The following KLHL29 variants were observed in gnomAD, a reference collection of about 807,000 sequenced individuals.
KLHL29 encodes the protein kelch-like protein 29.
Under a neutral mutation model 80.4 loss-of-function variants are expected in KLHL29, and 21 were observed. That is an observed-to-expected ratio of 0.26 (90% CI 0.19 to 0.38). The LOEUF is 0.38. KLHL29 is among the 10% of genes least tolerant of loss of function. KLHL29 has a pLI of 1.00. For missense variants in KLHL29, 867 were observed against 1,223.9 expected (o/e 0.71, Z 4.35); for synonymous variants, 511 against 526.8 (o/e 0.97, Z 0.41).
chr2:23,630,183 C>T (rs1016921503), intron 3 of KLHL29, among the ~76,000 whole-genome samples: 4 of 152,348 alleles, frequency 2.6e-5, no homozygotes, highest in African/African-American at 9.6e-5. Context: ...ACAGCTAGCC[C>T]CAGTGTGCTG....
intron 7 of KLHL29, among the ~76,000 whole-genome samples, chr2:23,692,982 G>C (rs1354214072): frequency 6.6e-6 from 1 of 152,166 alleles, no homozygotes; most frequent in Admixed American, 6.5e-5. Flanking sequence ...CCCAGGCTCT[G>C]AGCAGGGCTC....
chr2:23,391,232 C>T (rs570580717), intron 1 of KLHL29, among the ~76,000 whole-genome samples: 1 of 152,318 alleles, frequency 6.6e-6, no homozygotes, highest in African/African-American at 2.4e-5. Flanking sequence ...GACAGGCTTT[C>T]CTTCCTTTTT....
chr2:23,388,980 T>TTTCTTC (rs1553317242), intron 1 of KLHL29, among the ~76,000 whole-genome samples: 6,721 of 135,814 alleles, frequency 0.049, 466 homozygotes, highest in East Asian at 0.24. Flanking sequence ...TTTTTCTTTC[T>TTTCTTC]TTCTTCTTCT....
intron 3 of KLHL29, among the ~76,000 whole-genome samples, chr2:23,572,016 C>T (rs574807300): frequency 6.6e-6 from 1 of 152,200 alleles, no homozygotes; most frequent in African/African-American, 2.4e-5. Flanking sequence ...TCATTCATCC[C>T]GGCACTCGCT....
intron 4 of KLHL29, among the ~76,000 whole-genome samples, chr2:23,641,651 G>T (rs1669772469): frequency 6.6e-6 from 1 of 152,222 alleles, no homozygotes; most frequent in Non-Finnish European, 1.5e-5. Flanking sequence ...CCCTGAGGTA[G>T]GATTTAACAG....
intron 1 of KLHL29, among the ~76,000 whole-genome samples, chr2:23,423,455 T>A (rs569350359): frequency 6.6e-6 from 1 of 152,384 alleles, no homozygotes; most frequent in Admixed American, 6.5e-5. Flanking sequence ...AAATCCTCTC[T>A]GAGAACTTCT....
At chr2:23,435,355 T>G (rs1302018409) in intron 1 of KLHL29, among the ~76,000 whole-genome samples, 1 of 152,140 alleles carries the variant, frequency 6.6e-6, no homozygotes, top group Non-Finnish European at 1.5e-5. Context: ...GGTGCACATT[T>G]GGAAGATGGC....
At chr2:23,609,060 G>A (rs933469999) in intron 3 of KLHL29, among the ~76,000 whole-genome samples, 1 of 152,146 alleles carries the variant, frequency 6.6e-6, no homozygotes, top group Non-Finnish European at 1.5e-5. Flanking sequence ...GTTCTATTTT[G>A]TCTGTGATTC....
chr2:23,622,970 A>T (rs887946845), intron 3 of KLHL29, among the ~76,000 whole-genome samples: 2 of 152,170 alleles, frequency 1.3e-5, no homozygotes, highest in African/African-American at 4.8e-5. Context: ...TGGGCTCCAG[A>T]GTCCTACTCC....
intron 1 of KLHL29, among the ~76,000 whole-genome samples, chr2:23,412,051 G>A (rs1666872246): frequency 6.6e-6 from 1 of 151,350 alleles, no homozygotes; most frequent in Admixed American, 6.6e-5. Flanking sequence ...AGGAAGTGTT[G>A]TGGGAATGTG....
At chr2:23,672,398 C>G (rs940054062) in intron 5 of KLHL29, 2 of 152,362 alleles carry the variant, frequency 1.3e-5, no homozygotes, top group African/African-American at 4.8e-5. Flanking sequence ...TGGTCCAGGC[C>G]TGGCATGAAG....
intron 1 of KLHL29, among the ~76,000 whole-genome samples, chr2:23,405,608 A>G (rs1382419515): frequency 6.6e-6 from 1 of 152,124 alleles, no homozygotes; most frequent in Non-Finnish European, 1.5e-5. Flanking sequence ...GCCTTCCCCA[A>G]CCATGAGGAC....
intron 2 of KLHL29, among the ~76,000 whole-genome samples, chr2:23,526,292 AG>A: frequency 6.6e-6 from 1 of 150,898 alleles, no homozygotes; most frequent in East Asian, 2.0e-4. Context: ...GTCACAGGGG[AG>A]GGGAAACCAG....
chr2:23,496,462 G>C (rs1665267900), intron 2 of KLHL29, among the ~76,000 whole-genome samples: 1 of 152,140 alleles, frequency 6.6e-6, no homozygotes, highest in East Asian at 1.9e-4. Context: ...TGCAGAAAGA[G>C]CACAGCCCTG....
At chr2:23,616,135 C>T (rs1276905500) in intron 3 of KLHL29, among the ~76,000 whole-genome samples, 1 of 152,192 alleles carries the variant, frequency 6.6e-6, no homozygotes, top group Non-Finnish European at 1.5e-5. Flanking sequence ...TTCTGCCATG[C>T]TCCCCTAGTA....
At chr2:23,400,493 A>G (rs1426252841) in intron 1 of KLHL29, among the ~76,000 whole-genome samples, 2 of 152,132 alleles carry the variant, frequency 1.3e-5, no homozygotes, top group South Asian at 2.1e-4. Context: ...CATTTCCCCA[A>G]TGCTGGGCAG....
At chr2:23,432,758 G>A (rs1558336209) in intron 1 of KLHL29, among the ~76,000 whole-genome samples, 1 of 152,228 alleles carries the variant, frequency 6.6e-6, no homozygotes, top group Non-Finnish European at 1.5e-5. Context: ...AGGGGCTGGT[G>A]CCCCTGAGGC....
chr2:23,402,071 A>G (rs992341050), intron 1 of KLHL29, among the ~76,000 whole-genome samples: 2 of 152,162 alleles, frequency 1.3e-5, no homozygotes, highest in Non-Finnish European at 2.9e-5. Flanking sequence ...GAGAATTACC[A>G]TACCTGAGGC....
chr2:23,652,749 T>G (rs1670119822), intron 5 of KLHL29, among the ~76,000 whole-genome samples: 4 of 152,220 alleles, frequency 2.6e-5, no homozygotes, highest in Non-Finnish European at 1.5e-5. Context: ...CGCAGAGATA[T>G]ATGAATATAC....
Sources: gnomAD v4.1 joint callset for allele counts (sites outside exome capture counted in the v4.1 genomes callset) on GRCh38, gnomAD v4.1.1 for gene constraint, MANE v1.5 for transcripts, NCBI Gene and HGNC (gene_info 2026-07-23, HGNC 2026-07-21) for gene names.